CMSS1: variants seen among roughly 807,000 people sequenced by gnomAD.
CMSS1 encodes cms1 ribosomal small subunit homolog.
CMSS1 carries 33 observed loss-of-function variants against 43.5 expected under a neutral mutation model. That is an observed-to-expected ratio of 0.76 (90% CI 0.57 to 1.01). The LOEUF (loss-of-function observed/expected upper bound fraction) is 1.01, where lower values mean the gene tolerates loss of function less well. Among genes scored for constraint, CMSS1 ranks in the 50% least tolerant of loss-of-function variants. CMSS1 has a pLI of 0.00. For missense variants in CMSS1, 313 were observed against 326.4 expected, an observed-to-expected ratio of 0.96 and a Z score of 0.32; for synonymous variants, 115 against 117.2, an observed-to-expected ratio of 0.98 and a Z score of 0.12.
At chr3:100,051,226 T>A (rs1453644961) in intron 1 of CMSS1, 1 of 152,122 alleles carries the variant, frequency 6.6e-6, no homozygotes, top group Non-Finnish European at 1.5e-5. Flanking sequence ...TTCTGTTTTG[T>A]TACAGGTTTT....
chr3:99,839,609 C>T (rs1383333836), intron 1 of CMSS1, among the ~76,000 whole-genome samples: 1 of 152,112 alleles, frequency 6.6e-6, no homozygotes, highest in Non-Finnish European at 1.5e-5. Context: ...CTTATTTCTC[C>T]CAAGGGCACA....
chr3:99,904,947 G>A (rs1303814482), intron 1 of CMSS1, among the ~76,000 whole-genome samples: 1 of 152,098 alleles, frequency 6.6e-6, no homozygotes, highest in Non-Finnish European at 1.5e-5. Flanking sequence ...TCAGGTTTCA[G>A]TGTCTACCAT....
intron 1 of CMSS1, among the ~76,000 whole-genome samples, chr3:100,137,845 C>A (rs543569656): frequency 6.6e-5 from 10 of 152,256 alleles, no homozygotes; most frequent in African/African-American, 2.4e-4. Context: ...GGATTACAGG[C>A]TGAGCTACCA....
intron 1 of CMSS1, among the ~76,000 whole-genome samples, chr3:100,086,559 A>C (rs958218643): frequency 3.9e-5 from 6 of 152,196 alleles, no homozygotes; most frequent in African/African-American, 1.4e-4. Flanking sequence ...CCTTTTTAAG[A>C]AAAATTAAAC....
intron 1 of CMSS1, among the ~76,000 whole-genome samples, chr3:99,932,287 A>G (rs1435202953): frequency 6.6e-6 from 1 of 152,154 alleles, no homozygotes; most frequent in Admixed American, 6.5e-5. Context: ...TTGCTGAACA[A>G]TGTATAGTAT....
At chr3:99,925,566 T>C (rs1337125956) in intron 1 of CMSS1, among the ~76,000 whole-genome samples, 2 of 147,150 alleles carry the variant, frequency 1.4e-5, no homozygotes, top group Admixed American at 7.0e-5. Context: ...GTGGGACACT[T>C]CCAGCAGTAG....
At chr3:100,174,870 AGAG>A (rs1370698604) in intron 8 of CMSS1, among the ~76,000 whole-genome samples, 1 of 152,230 alleles carries the variant, frequency 6.6e-6, no homozygotes, top group East Asian at 1.9e-4. Context: ...AAAAATGTAC[AGAG>A]AAGAAAACAA....
chr3:99,835,244 C>T (rs1237159836), intron 1 of CMSS1, among the ~76,000 whole-genome samples: 1 of 152,230 alleles, frequency 6.6e-6, no homozygotes, highest in Non-Finnish European at 1.5e-5. Context: ...AAAAGGCCCA[C>T]TCACATGTCC....
At chr3:100,061,454 C>G (rs182307300) in intron 1 of CMSS1, among the ~76,000 whole-genome samples, 14 of 152,296 alleles carry the variant, frequency 9.2e-5, no homozygotes, top group South Asian at 2.1e-4. Flanking sequence ...TTCCCAGGCC[C>G]TTGTTTTACT....
intron 1 of CMSS1, among the ~76,000 whole-genome samples, chr3:100,008,781 C>G (rs1430291425): frequency 6.6e-6 from 1 of 152,072 alleles, no homozygotes; most frequent in Non-Finnish European, 1.5e-5. Context: ...TGCTCTGGCC[C>G]TTGTATTTTG....
In CMSS1 at chr3:100,062,819, C is replaced by G. The variant is rs147750612; in HGVS notation, c.65-84154C>G. On this transcript the variant is annotated intron_variant, in intron 1 of 9. Transcript: ENST00000421999. ...ACCTGTCTGGCCCAAGCCTCCTCCC[C>G]TCCAGCCTGGATTACTGTGATGACT... Among the ~76,000 whole-genome samples, 1,103 of 152,344 alleles carry G rather than the reference C, an allele frequency of 7.2e-3. 19 individuals are homozygous for G. Among genetic ancestry groups the G allele is most frequent in the African/African-American group, 0.024 (1,016 of 41,564 alleles).
chr3:100,089,816 G>A (rs1292425580), intron 1 of CMSS1, among the ~76,000 whole-genome samples: 2 of 152,164 alleles, frequency 1.3e-5, no homozygotes, highest in African/African-American at 2.4e-5. Flanking sequence ...GTCATATTAG[G>A]AACAACTGGA....
At chr3:100,041,880 A>C (rs374959336) in intron 1 of CMSS1, among the ~76,000 whole-genome samples, 1 of 152,144 alleles carries the variant, frequency 6.6e-6, no homozygotes. Context: ...CCCCAACTAC[A>C]ATTTGATTTA....
chr3:100,062,942 C>A (rs1026163743), intron 1 of CMSS1, among the ~76,000 whole-genome samples: 1 of 152,162 alleles, frequency 6.6e-6, no homozygotes, highest in Non-Finnish European at 1.5e-5. Context: ...TCTGAGCCAG[C>A]AGACGTTTTG....
rs138578657 is a variant in CMSS1, at chr3:99,899,059, G to A, written c.64+81016G>A. 2.4e-4 allele frequency among the ~76,000 whole-genome samples: 37 copies of A among 152,286 alleles called. No homozygotes were observed. In the East Asian group the frequency reaches 6.4e-3, roughly 26 times the overall value. On this transcript the variant is annotated intron_variant, in intron 1 of 9. Transcript: ENST00000421999. ...AAATGTGGTTATTCCTCCTTATTAGGACCTCAAAGACAGCTACAGTGAATG... is the reference window on the plus strand; with the variant it reads ...AAATGTGGTTATTCCTCCTTATTAGAACCTCAAAGACAGCTACAGTGAATG...
intron 1 of CMSS1, among the ~76,000 whole-genome samples, chr3:100,030,492 C>T (rs1176253199): frequency 2.0e-5 from 3 of 152,146 alleles, no homozygotes; most frequent in Non-Finnish European, 4.4e-5. Flanking sequence ...ATTGCTCATT[C>T]TCATTCATGC....
At chr3:99,961,392 C>A (rs746528890) in intron 1 of CMSS1, among the ~76,000 whole-genome samples, 1 of 152,036 alleles carries the variant, frequency 6.6e-6, no homozygotes, top group Non-Finnish European at 1.5e-5. Flanking sequence ...TTTGATCATC[C>A]CTTTATGTAT....
chr3:100,177,186 TA>T (rs1427888380), intron 9 of CMSS1, among the ~76,000 whole-genome samples: 1 of 152,224 alleles, frequency 6.6e-6, no homozygotes, highest in Non-Finnish European at 1.5e-5. Flanking sequence ...CACATAAAGC[TA>T]TATCTCCAGA....
chr3:100,034,250 G>A (rs1200972308), intron 1 of CMSS1, among the ~76,000 whole-genome samples: 1 of 152,142 alleles, frequency 6.6e-6, no homozygotes, highest in African/African-American at 2.4e-5. Flanking sequence ...CAGAATGGGG[G>A]GAAAAAGCTG....
Sources: gnomAD v4.1 joint callset for allele counts (sites outside exome capture counted in the v4.1 genomes callset) on GRCh38, gnomAD v4.1.1 for gene constraint, MANE v1.5 for transcripts, NCBI Gene and HGNC (gene_info 2026-07-23, HGNC 2026-07-21) for gene names.